The following HOMER2 variants were observed in gnomAD, a reference collection of about 807,000 sequenced individuals.
HOMER2 encodes homer scaffold protein 2, also known as homer protein homolog 2.
A neutral mutation model predicts 47.0 loss-of-function variants in HOMER2; 27 were observed. The ratio of observed to expected loss-of-function variants is 0.57; its 90% CI spans 0.42 to 0.79. The LOEUF (loss-of-function observed/expected upper bound fraction) is 0.79, where lower values mean the gene tolerates loss of function less well. Ranked by LOEUF, HOMER2 falls within the 30% of genes least tolerant of loss-of-function variation. The pLI is 0.00. For missense variants in HOMER2, 443 were observed against 435.0 expected, an observed-to-expected ratio of 1.02 and a Z score of -0.16; for synonymous variants, 161 against 163.8, an observed-to-expected ratio of 0.98 and a Z score of 0.13.
At chr15:82,895,659 G>A (rs2052886249) in intron 1 of HOMER2, among the ~76,000 whole-genome samples, 3 of 152,300 alleles carry the variant, frequency 2.0e-5, no homozygotes, top group Middle Eastern at 6.8e-3. Flanking sequence ...CTGGGCTGGG[G>A]GCCCACGGGT....
chr15:82,905,381 A>G (rs2053258334), intron 1 of HOMER2, among the ~76,000 whole-genome samples: 1 of 151,916 alleles, frequency 6.6e-6, no homozygotes, highest in Non-Finnish European at 1.5e-5. Flanking sequence ...AGAAGAGGGA[A>G]AGAAAAATCA....
At chr15:82,935,081 C>T (rs987858613) in intron 1 of HOMER2, among the ~76,000 whole-genome samples, 4 of 152,180 alleles carry the variant, frequency 2.6e-5, no homozygotes, top group Non-Finnish European at 4.4e-5. Context: ...TCCTCTGCCC[C>T]CCGCCTTCAA....
Position 82,864,221 on chromosome 15 carries a change from C to T in HOMER2, c.333G>A (p.Lys111=), listed in dbSNP as rs1416628075. The stretch of plus-strand genomic sequence containing the variant: ...TCTCCTGCGTCTTGTCTTTGGCTAT[C>T]TTGGCAGCTTCTTTCACCTCCTGGA... ...EKFQEVKEAA[K]IAKDKTQEKI... is the part of the protein sequence containing the mutation. The change falls in exon 4 of 9, where the codon AAG becomes AAA. Residue 111 remains lysine, a synonymous_variant. Transcript: ENST00000450735. The T allele has an allele frequency of 2.5e-6, 4 of 1,612,656 alleles. No individual in the cohort carries two copies. The highest frequency in any genetic ancestry group is 1.1e-5 in the South Asian group (1 of 90,858).
Position 82,904,409 on chromosome 15 carries a change from G to T in HOMER2, c.6-11568C>A, listed in dbSNP as rs535002052. On this transcript the variant is annotated intron_variant, in intron 1 of 8. Transcript: ENST00000450735. Reference sequence around the variant, plus strand: ...TCCAGAGGGATCCAATCATAGGGGGGCCTGCCCACTGTCTTCAGTTTTACT... The same window carrying T: ...TCCAGAGGGATCCAATCATAGGGGGTCCTGCCCACTGTCTTCAGTTTTACT... Among the ~76,000 whole-genome samples the T allele has an allele frequency of 7.2e-5, 11 of 152,300 alleles. No homozygotes were observed. In the East Asian group the frequency reaches 2.1e-3, roughly 29 times the overall value.
intron 4 of HOMER2, among the ~76,000 whole-genome samples, chr15:82,861,319 T>C (rs945870368): frequency 1.3e-5 from 2 of 152,248 alleles, no homozygotes; most frequent in African/African-American, 4.8e-5. Context: ...ATGTCACAAA[T>C]TATAGGTTAA....
At chr15:82,968,861 C>T (rs1384411809) in intron 1 of HOMER2, among the ~76,000 whole-genome samples, 1 of 152,160 alleles carries the variant, frequency 6.6e-6, no homozygotes. Flanking sequence ...ATCTCAGCTG[C>T]CTTCACAGCC....
Position 82,892,794 on chromosome 15 carries a change from G to A in HOMER2, c.53C>T (p.Pro18Leu). 6.2e-7 allele frequency: 1 copy of A among 1,605,462 alleles called. No individual in the cohort carries two copies. The highest frequency in any genetic ancestry group is 1.7e-5 in the Admixed American group (1 of 59,916). The change falls in exon 2 of 9, where the codon CCC becomes CTC. Residue 18 changes from proline to leucine, a missense_variant. Physicochemically the swap from Pro to Leu is moderately conservative, Grantham distance 98. Coordinates refer to ENST00000450735, the MANE Select transcript of HOMER2 (RefSeq NM_004839.4). ...AGGCATCCAGTTCTTCTTGGTGTTGGGGTCAATCTGGAAGACATGCGCTCG... is the reference window on the plus strand; with the variant it reads ...AGGCATCCAGTTCTTCTTGGTGTTGAGGTCAATCTGGAAGACATGCGCTCG... Reference protein sequence around the residue: ...TTRAHVFQIDPNTKKNWMPAS... With the variant: ...TTRAHVFQIDLNTKKNWMPAS...
chr15:82,955,517 A>G (rs996915309), upstream of HOMER2, among the ~76,000 whole-genome samples: 4 of 152,158 alleles, frequency 2.6e-5, no homozygotes, highest in African/African-American at 9.7e-5. Context: ...GTACATGCAT[A>G]ATGTTGTTAT....
At chr15:82,945,755 G>A (rs910402934) in intron 1 of HOMER2, among the ~76,000 whole-genome samples, 7 of 152,120 alleles carry the variant, frequency 4.6e-5, no homozygotes, top group Non-Finnish European at 1.0e-4. Flanking sequence ...CAAATCACGA[G>A]GTCAGGAGAT....
At chr15:82,904,166 A>G (rs1308253271) in intron 1 of HOMER2, among the ~76,000 whole-genome samples, 2 of 152,104 alleles carry the variant, frequency 1.3e-5, no homozygotes, top group African/African-American at 4.8e-5. Flanking sequence ...CGGAAAAATC[A>G]ACACCTCTTC....
intron 1 of HOMER2, among the ~76,000 whole-genome samples, chr15:82,945,067 A>G (rs1855967119): frequency 6.6e-6 from 1 of 152,164 alleles, no homozygotes; most frequent in Non-Finnish European, 1.5e-5. Flanking sequence ...TGATGTTCTT[A>G]CCAAGATTCA....
At chr15:82,851,066 A>G in intron 8 of HOMER2, 85 bp downstream of exon 8, 7 of 895,998 alleles carry the variant, frequency 7.8e-6, no homozygotes, top group Non-Finnish European at 1.2e-5. Flanking sequence ...CTCAGTGTGA[A>G]AGTGATAGGA....
At chr15:82,840,572 G>C (rs1309933628) in exon 2 of HOMER2, 1 of 152,106 alleles carries the variant, frequency 6.6e-6, no homozygotes, top group Non-Finnish European at 1.5e-5. Context: ...TACTGCTTCA[G>C]CCTCCTGAGT....
intron 5 of HOMER2, among the ~76,000 whole-genome samples, chr15:82,857,877 G>A (rs2051640964): frequency 6.6e-6 from 1 of 152,202 alleles, no homozygotes; most frequent in South Asian, 2.1e-4. Flanking sequence ...GCTCAGCCCA[G>A]CCTGTGGGGA....
intron 5 of HOMER2, among the ~76,000 whole-genome samples, chr15:82,856,731 G>T (rs1423028201): frequency 1.3e-5 from 2 of 152,220 alleles, no homozygotes; most frequent in Non-Finnish European, 2.9e-5. Context: ...CAGTCCAAAG[G>T]CAGGGGGTTG....
At chr15:82,982,594 T>C (rs1292516465) in intron 1 of HOMER2, among the ~76,000 whole-genome samples, 3 of 152,226 alleles carry the variant, frequency 2.0e-5, no homozygotes, top group Non-Finnish European at 2.9e-5. Context: ...AGCATTTCCT[T>C]TGAGTGTCAT....
rs1011607366 is a variant in HOMER2 at position 82,849,604 on chromosome 15, C to T, written c.*111G>A. On this transcript the variant is annotated 3_prime_UTR_variant, in exon 9 of 9. Transcript: ENST00000450735. ...CGGCACAACTGGTTTGGAAACACGA[C>T]AAACTGCGCCTGCATTTACAGAAGC... The T allele has an allele frequency of 7.8e-5, 72 of 921,190 alleles. No homozygotes were observed. Among genetic ancestry groups the T allele is most frequent in the Non-Finnish European group, 1.1e-4 (69 of 625,660 alleles). 57.1% of individuals were successfully genotyped at this position (921,190 alleles called of 1,614,324 possible). A position where few individuals can be genotyped will look rare whatever the true frequency, so the allele number is the denominator to read the frequency against.
In HOMER2 at chr15:82,960,839, T is replaced by A. The variant is rs552409140; in HGVS notation, n.83-1531A>T. ...TTCAGCTGATCCACCAGTTGCTCTATGTGAGGTCTTCTGGAAATCTGGGGT... is the reference window on the plus strand; with the variant it reads ...TTCAGCTGATCCACCAGTTGCTCTAAGTGAGGTCTTCTGGAAATCTGGGGT... On this transcript the variant is annotated intron_variant and non_coding_transcript_variant, in intron 1 of 1. Coordinates refer to the HOMER2 transcript ENST00000500334. Among the ~76,000 whole-genome samples the A allele has an allele frequency of 2.0e-5, 3 of 152,296 alleles. No individual in the cohort carries two copies. In the East Asian group the frequency reaches 5.8e-4, roughly 29 times the overall value.
Position 82,875,388 on chromosome 15 carries a change from G to A in HOMER2, c.179C>T (p.Thr60Ile). 2 of 1,613,986 alleles carry A rather than the reference G, an allele frequency of 1.2e-6. No individual in the cohort carries two copies. Among genetic ancestry groups the A allele is most frequent in the Non-Finnish European group, 1.7e-6 (2 of 1,179,864 alleles). Reference protein sequence around the residue: ...VDGAKVIINSTITPNMTFTKT... With the variant: ...VDGAKVIINSIITPNMTFTKT... ...GGTGAAGGTCATATTCGGTGTGATT[G>A]TGCTGTTTATGATCACCTGCAGAAA... The change falls in exon 3 of 9, where the codon ACA (threonine) becomes ATA (isoleucine). Residue 60 changes from threonine (T) to isoleucine (I), a missense_variant. Thr to Ile is a moderately conservative substitution (Grantham distance 89, BLOSUM62 -1). Coordinates refer to ENST00000450735, the MANE Select transcript of HOMER2 (RefSeq NM_004839.4).
Sources: allele counts gnomAD v4.1 joint callset (sites outside exome capture counted in the v4.1 genomes callset), GRCh38; gene constraint gnomAD v4.1.1; transcripts MANE v1.5; gene names NCBI Gene and HGNC (gene_info 2026-07-23, HGNC 2026-07-21).